TASP1: variants seen among roughly 807,000 people sequenced by gnomAD.
TASP1 encodes the protein taspase 1, also known as threonine aspartase 1.
TASP1 carries 16 observed loss-of-function variants against 56.6 expected under a neutral mutation model. The ratio of observed to expected loss-of-function variants is 0.28; its 90% CI spans 0.19 to 0.43. The LOEUF (loss-of-function observed/expected upper bound fraction) is 0.43, where lower values mean the gene tolerates loss of function less well. Among genes scored for constraint, TASP1 ranks in the 20% least tolerant of loss-of-function variants. The pLI, the probability that TASP1 is intolerant of heterozygous loss-of-function variation, is 1.00. For synonymous variants in TASP1, 179 were observed against 184.2 expected (o/e 0.97, Z 0.23); for missense variants, 393 against 511.6 (o/e 0.77, Z 2.24).
rs1490460044 is a variant in TASP1, at chr20:13,539,652, G to A, written c.676-5511C>T. Among the ~76,000 whole-genome samples, 3 of 152,112 alleles carry A rather than the reference G, an allele frequency of 2.0e-5. No homozygotes were observed. The South Asian group carries it at 6.2e-4, about 32-fold the overall frequency. ...ATTTTCAGGTTAAAATAAAAATAAC[G>A]TGTTTGAACCATGCTTTTAAGGGGA... On this transcript the variant is annotated intron_variant, in intron 8 of 13. Coordinates refer to ENST00000337743, the MANE Select transcript of TASP1 (RefSeq NM_017714.3).
At chr20:13,544,478 T>G (rs1301422992) in intron 8 of TASP1, among the ~76,000 whole-genome samples, 6 of 152,228 alleles carry the variant, frequency 3.9e-5, no homozygotes, top group African/African-American at 1.4e-4. Flanking sequence ...CAAGATCATT[T>G]GGTAGTTTTA....
chr20:13,505,517 T>C (rs1247952017), intron 10 of TASP1, among the ~76,000 whole-genome samples: 1 of 152,216 alleles, frequency 6.6e-6, no homozygotes, highest in African/African-American at 2.4e-5. Context: ...CAGGATGTGC[T>C]AGGCCACAAA....
chr20:13,528,367 G>T, intron 10 of TASP1, 66 bp downstream of exon 10: 1 of 1,370,830 alleles, frequency 7.3e-7, no homozygotes, highest in Non-Finnish European at 1.0e-6. Context: ...CACAAATATT[G>T]CTTTTAATCA....
At chr20:13,552,419 G>A (rs563464118) in intron 8 of TASP1, among the ~76,000 whole-genome samples, 2 of 152,188 alleles carry the variant, frequency 1.3e-5, no homozygotes, top group South Asian at 2.1e-4. Flanking sequence ...TGATAATGCT[G>A]GAAGTGAAAT....
the TASP1 span, among the ~76,000 whole-genome samples, chr20:13,196,997 A>T: frequency 6.6e-6 from 1 of 152,328 alleles, no homozygotes; most frequent in Admixed American, 6.5e-5. Context: ...ATACTTGATG[A>T]AATAAATAGA....
At position 13,395,868 on chromosome 20, in the gene TASP1, A is replaced by G. The variant is rs866167803; in HGVS notation, c.1171-5416T>C. Among the ~76,000 whole-genome samples, 3 of 142,610 alleles carry G rather than the reference A, an allele frequency of 2.1e-5. 1 individual carries two copies. The Admixed American group carries it at 2.1e-4, about 10-fold the overall frequency. 93.6% of individuals were successfully genotyped at this position (142,610 alleles called of 152,430 possible). On this transcript the variant is annotated intron_variant, in intron 13 of 13. Coordinates refer to ENST00000337743, the MANE Select transcript of TASP1 (RefSeq NM_017714.3). Reference sequence around the variant, plus strand: ...AGGCGCGTGCCACTACACCTGGCTAATTTTTTTTTTTTTTAGTAGAGATGG... The same window carrying G: ...AGGCGCGTGCCACTACACCTGGCTAGTTTTTTTTTTTTTTAGTAGAGATGG...
the TASP1 span, among the ~76,000 whole-genome samples, chr20:13,367,850 G>A: frequency 1.3e-5 from 2 of 152,020 alleles, no homozygotes; most frequent in Admixed American, 6.6e-5. Flanking sequence ...CACCACAGAT[G>A]ATGGGAAAAA....
At chr20:13,288,802 T>C in the TASP1 span, 1 of 1,065,920 alleles carries the variant, frequency 9.4e-7, no homozygotes, top group South Asian at 1.6e-5. Flanking sequence ...TTTTTTTTTT[T>C]GAGACGGAGT....
chr20:13,286,340 C>T, the TASP1 span, among the ~76,000 whole-genome samples: 1 of 131,880 alleles, frequency 7.6e-6, no homozygotes, highest in Admixed American at 7.5e-5. Context: ...GCAGCGACTG[C>T]TCCTACCTGA....
At chr20:13,193,864 A>G in the TASP1 span, among the ~76,000 whole-genome samples, 1 of 152,218 alleles carries the variant, frequency 6.6e-6, no homozygotes, top group Non-Finnish European at 1.5e-5. Context: ...CCACCTTAAG[A>G]GGAAAGTAGG....
the TASP1 span, chr20:13,270,539 A>C: frequency 6.2e-7 from 1 of 1,613,736 alleles, no homozygotes; most frequent in Non-Finnish European, 8.5e-7. Flanking sequence ...CCACATCAGA[A>C]ACCAGCTTTT....
the TASP1 span, among the ~76,000 whole-genome samples, chr20:13,171,235 T>A: frequency 6.6e-5 from 10 of 152,170 alleles, no homozygotes; most frequent in Admixed American, 6.5e-4. Context: ...TTTACACCAG[T>A]CTTTTAAAAA....
chr20:13,374,938 GTC>G, the TASP1 span, among the ~76,000 whole-genome samples: 1 of 151,994 alleles, frequency 6.6e-6, no homozygotes, highest in Non-Finnish European at 1.5e-5. Context: ...TCATTAAAAT[GTC>G]TGTCCTTTTC....
chr20:13,629,963 T>A lies in TASP1; in HGVS notation c.116A>T (p.Lys39Ile), dbSNP rs745460730. Residue 39 changes from lysine (K) to isoleucine (I), a missense_variant, in exon 2 of 14, where the codon AAA becomes ATA. By Grantham distance (102) the Lys-to-Ile change is moderately radical. Around this residue, in one of 3 missense-constraint regions of TASP1, gnomAD observed 52 missense variants for 51.1 expected, o/e 1.02. Coordinates refer to ENST00000337743, the MANE Select transcript of TASP1 (RefSeq NM_017714.3). Reference sequence around the variant, plus strand: ...ATGCACCAACACAAAGCCTCCTCGTTTCTCTTTATAGGACTGCTTTGTTTC... The same window carrying A: ...ATGCACCAACACAAAGCCTCCTCGTATCTCTTTATAGGACTGCTTTGTTTC... ...ELETKQSYKE[K>I]RGGFVLVHAG... 1.9e-6 allele frequency: 3 copies of A among 1,613,836 alleles called. No homozygotes were observed. Among genetic ancestry groups the A allele is most frequent in the Non-Finnish European group, 2.5e-6 (3 of 1,179,924 alleles).
intron 12 of TASP1, among the ~76,000 whole-genome samples, chr20:13,418,707 G>A (rs1461895085): frequency 6.6e-6 from 1 of 152,190 alleles, no homozygotes; most frequent in African/African-American, 2.4e-5. Flanking sequence ...ACACTTGATG[G>A]ACTCCAACTT....
At chr20:13,398,173 A>G (rs2041612342) in intron 13 of TASP1, among the ~76,000 whole-genome samples, 1 of 152,144 alleles carries the variant, frequency 6.6e-6, no homozygotes, top group Admixed American at 6.5e-5. Context: ...AATCTCAGTT[A>G]ATCTGTCAGT....
At chr20:13,536,718 A>T (rs1317524492) in intron 8 of TASP1, among the ~76,000 whole-genome samples, 1 of 152,116 alleles carries the variant, frequency 6.6e-6, no homozygotes, top group East Asian at 1.9e-4. Flanking sequence ...GACTGTCTTC[A>T]TCAGTCCTAC....
At chr20:13,407,097 T>C (rs2041954574) in intron 13 of TASP1, among the ~76,000 whole-genome samples, 1 of 152,244 alleles carries the variant, frequency 6.6e-6, no homozygotes. Flanking sequence ...TTTACTGAGA[T>C]ATAATTCATA....
chr20:13,113,048 TG>T, the TASP1 span, among the ~76,000 whole-genome samples: 1 of 151,982 alleles, frequency 6.6e-6, no homozygotes, highest in Non-Finnish European at 1.5e-5. Context: ...CCAGGTGTGG[TG>T]GTGCACTCCC....
Sources: allele counts gnomAD v4.1 joint callset (sites outside exome capture counted in the v4.1 genomes callset), GRCh38; gene constraint gnomAD v4.1.1; regional missense constraint gnomAD v4.1.1; transcripts MANE v1.5; gene names NCBI Gene and HGNC (gene_info 2026-07-23, HGNC 2026-07-21).